EML4: variants seen among roughly 807,000 people sequenced by gnomAD.
EML4 encodes echinoderm microtubule-associated protein-like 4.
In EML4, 72 loss-of-function variants were observed where a neutral mutation model predicts 129.0. The observed-to-expected ratio is 0.56, with a 90% CI of 0.46 to 0.68. EML4 has a LOEUF of 0.68. EML4 is among the 30% of genes least tolerant of loss of function. EML4 has a pLI of 0.00. For synonymous variants in EML4, 532 were observed against 405.0 expected, an observed-to-expected ratio of 1.31 and a Z score of -3.77; for missense variants, 1,363 against 1,190.6, an observed-to-expected ratio of 1.14 and a Z score of -2.13.
At chr2:42,296,703 G>C (rs1055001123) in intron 13 of EML4, among the ~76,000 whole-genome samples, 1 of 152,038 alleles carries the variant, frequency 6.6e-6, no homozygotes, top group Non-Finnish European at 1.5e-5. Context: ...CTTAACTTTG[G>C]GTGTCAATGT....
At chr2:42,263,756 A>G (rs1311221378) in intron 5 of EML4, among the ~76,000 whole-genome samples, 1 of 148,300 alleles carries the variant, frequency 6.7e-6, no homozygotes, top group Non-Finnish European at 1.5e-5. Context: ...TCTCTTATGG[A>G]GTCTCACTCT....
At chr2:42,314,666 A>C (rs1220520289) in intron 17 of EML4, among the ~76,000 whole-genome samples, 2 of 152,076 alleles carry the variant, frequency 1.3e-5, no homozygotes, top group African/African-American at 4.8e-5. Context: ...GTATTTGTTC[A>C]CTTATTCATT....
chr2:42,191,083 C>G (rs1337676641), intron 1 of EML4, among the ~76,000 whole-genome samples: 1 of 152,082 alleles, frequency 6.6e-6, no homozygotes, highest in Non-Finnish European at 1.5e-5. Context: ...TATGTGCATA[C>G]TTTTTAAATT....
chr2:42,278,278 A>G (rs1242338289), intron 6 of EML4, among the ~76,000 whole-genome samples: 2 of 152,188 alleles, frequency 1.3e-5, no homozygotes, highest in Non-Finnish European at 2.9e-5. Context: ...TCAAAGGACT[A>G]AGAAACAATT....
chr2:42,292,019 C>G (rs1667675792), intron 11 of EML4, among the ~76,000 whole-genome samples: 1 of 152,178 alleles, frequency 6.6e-6, no homozygotes, highest in Non-Finnish European at 1.5e-5. Flanking sequence ...GTAACTGGAA[C>G]TCTCACACAG....
rs767938883 is a variant in EML4, at chr2:42,303,203, A to T, written c.1741A>T (p.Asn581Tyr). ...AAACTTTATTTTACGAGGAACATTT[A>T]ATGATGGCTTCCAAATAGAAGTACA... ...SRNFILRGTF[N>Y]DGFQIEVQGH... Residue 581 changes from asparagine to tyrosine, a missense_variant, in exon 15 of 23, where the codon AAT (asparagine) becomes TAT (tyrosine). Coordinates refer to ENST00000318522, the MANE Select transcript of EML4 (RefSeq NM_019063.5). The T allele has an allele frequency of 6.2e-7, 1 of 1,614,066 alleles. No individual in the cohort carries two copies. The highest frequency in any genetic ancestry group is 2.2e-5 in the East Asian group (1 of 44,886).
In EML4 at chr2:42,244,104, T is replaced by G. The variant is rs950026850; in HGVS notation, c.26-1401T>G. Among the ~76,000 whole-genome samples, 142 of 80,602 alleles carry G rather than the reference T, an allele frequency of 1.8e-3. 1 individual carries two copies. The highest frequency in any genetic ancestry group is 2.2e-4 in the African/African-American group (6 of 27,340). 52.9% of individuals were successfully genotyped at this position (80,602 alleles called of 152,430 possible). ...TTGTTTTTTGTTTTTGTTTTTTGTT[T>G]TTTTTTTTTTTTTGAGACGGGGTCT... is the stretch of plus-strand genomic sequence containing the variant. On this transcript the variant is annotated intron_variant, in intron 1 of 22. Transcript: ENST00000318522.
intron 1 of EML4, among the ~76,000 whole-genome samples, chr2:42,215,120 C>A (rs1224264514): frequency 2.0e-5 from 3 of 152,118 alleles, no homozygotes; most frequent in Admixed American, 1.3e-4. Context: ...AATGCAGTGG[C>A]GTGATTATGG....
At chr2:42,231,329 G>A (rs72980823) in intron 1 of EML4, among the ~76,000 whole-genome samples, 2 of 152,274 alleles carry the variant, frequency 1.3e-5, no homozygotes, top group African/African-American at 2.4e-5. Flanking sequence ...CTCACTCCAA[G>A]TCATCAATTC....
At chr2:42,297,068 T>TCCC (rs1667999497) in intron 13 of EML4, among the ~76,000 whole-genome samples, 1 of 152,228 alleles carries the variant, frequency 6.6e-6, no homozygotes, top group Non-Finnish European at 1.5e-5. Context: ...GACTCCTATC[T>TCCC]CAATCATTGG....
rs566084362 is a variant in EML4 at position 42,195,211 on chromosome 2, AGTAAGAGG to A, written c.25+25579_25+25586del. Among the ~76,000 whole-genome samples, 3 of 152,290 alleles carry A rather than the reference AGTAAGAGG, an allele frequency of 2.0e-5. No homozygotes were observed. The East Asian group carries it at 5.8e-4, about 29-fold the overall frequency. On this transcript the variant is annotated intron_variant, in intron 1 of 22. Transcript: ENST00000318522. ...CATTTGTTAGATTTGTTTCATTGCA[AGTAAGAGG>A]GTATATGATAACTTCATCATGCTAC...
intron 1 of EML4, among the ~76,000 whole-genome samples, chr2:42,183,245 A>C (rs1671050342): frequency 6.6e-6 from 1 of 152,250 alleles, no homozygotes; most frequent in Non-Finnish European, 1.5e-5. Flanking sequence ...TACTGGGAAT[A>C]TGTCAGTGAA....
chr2:42,283,308 G>GA (rs1667116788), intron 8 of EML4, among the ~76,000 whole-genome samples: 1 of 152,006 alleles, frequency 6.6e-6, no homozygotes, highest in Non-Finnish European at 1.5e-5. Context: ...GTGATTATTG[G>GA]TTACTCGATA....
Position 42,329,958 on chromosome 2 carries a change from ACCGCC to A in EML4, c.2698_2702del (p.Pro900SerfsTer7). 6.2e-7 allele frequency: 1 copy of A among 1,613,804 alleles called. No homozygotes were observed. On this transcript the variant is annotated frameshift_variant, in exon 23 of 23. Coordinates refer to ENST00000318522, the MANE Select transcript of EML4 (RefSeq NM_019063.5). LOFTEE classifies it high-confidence loss of function. The stretch of plus-strand genomic sequence containing the variant: ...GTGTCATCCAATCTAATACTCCCAC[ACCGCC>A]TCCTTCTCAGCCCTTAAATGAGACA...
At chr2:42,183,642 T>C (rs1671079786) in intron 1 of EML4, among the ~76,000 whole-genome samples, 1 of 152,186 alleles carries the variant, frequency 6.6e-6, no homozygotes, top group Non-Finnish European at 1.5e-5. Context: ...CAGTTCCTTT[T>C]TTTTAAATCG....
At chr2:42,179,620 T>A (rs547667717) in intron 1 of EML4, among the ~76,000 whole-genome samples, 61 of 152,324 alleles carry the variant, frequency 4.0e-4, no homozygotes, top group African/African-American at 1.4e-3. Context: ...TGTTTTGTTT[T>A]GAGATGGGGT....
chr2:42,306,185 C>T (rs1668583226), intron 17 of EML4, among the ~76,000 whole-genome samples: 1 of 152,188 alleles, frequency 6.6e-6, no homozygotes, highest in African/African-American at 2.4e-5. Flanking sequence ...GGTTTAAAAG[C>T]ACTTAGACTT....
At chr2:42,279,664 C>T (rs1037903718) in intron 6 of EML4, among the ~76,000 whole-genome samples, 1 of 151,836 alleles carries the variant, frequency 6.6e-6, no homozygotes, top group Non-Finnish European at 1.5e-5. Context: ...GTAGTAGAGA[C>T]GGGGTTTCAC....
chr2:42,287,895 C>T (rs542974927), intron 10 of EML4, among the ~76,000 whole-genome samples: 2 of 152,168 alleles, frequency 1.3e-5, no homozygotes, highest in South Asian at 4.1e-4. Context: ...TAGCTTAATA[C>T]AGGCAGCAAG....
Sources: allele counts gnomAD v4.1 joint callset (sites outside exome capture counted in the v4.1 genomes callset), GRCh38; gene constraint gnomAD v4.1.1; transcripts MANE v1.5; gene names NCBI Gene and HGNC (gene_info 2026-07-23, HGNC 2026-07-21).